Variants in TSC2 observed in about 807,000 individuals in gnomAD.
TSC2 encodes TSC complex subunit 2, also known as tuberin.
In TSC2, 29 loss-of-function variants were observed where a neutral mutation model predicts 202.2. The observed-to-expected ratio is 0.14, with a 90% CI of 0.11 to 0.20. TSC2 has a LOEUF of 0.20. Ranked by LOEUF, TSC2 falls within the 10% of genes least tolerant of loss-of-function variation. TSC2 has a pLI of 1.00. For synonymous variants in TSC2, 1,349 were observed against 1,044.0 expected, an observed-to-expected ratio of 1.29 and a Z score of -5.63; for missense variants, 2,429 against 2,420.0, an observed-to-expected ratio of 1.00 and a Z score of -0.08.
Position 2,085,139 on chromosome 16 carries a change from C to G in TSC2, c.4570-91C>G, listed in dbSNP as rs1419986610. ...GGCTTGCAGAGGGCTCTGGCCTAAGCTCCCTGTGGCAGCCTGCCGTGACCG... is the reference window on the plus strand; with the variant it reads ...GGCTTGCAGAGGGCTCTGGCCTAAGGTCCCTGTGGCAGCCTGCCGTGACCG... On this transcript the variant is annotated intron_variant, in intron 35 of 41. Coordinates refer to ENST00000219476, the MANE Select transcript of TSC2 (RefSeq NM_000548.5). 3 of 1,602,822 alleles carry G rather than the reference C, an allele frequency of 1.9e-6. No homozygotes were observed. The African/African-American group carries it at 4.0e-5, about 21-fold the overall frequency.
In TSC2 at chr16:2,055,407, T is replaced by A; in HGVS notation, c.487T>A (p.Phe163Ile). The change falls in exon 6 of 42, where the codon TTT becomes ATT. Residue 163 changes from phenylalanine (F) to isoleucine (I), a missense_variant. Phe to Ile is a conservative substitution (Grantham distance 21, BLOSUM62 0). Transcript: ENST00000219476. ...TGCCGCCGCTTCTCCCCCAGCTGAC[T>A]TTGTCCTGCAGTGGATGGATGTTGG... ...ITYLEEELAD[F>I]VLQWMDVGLS... is the part of the protein sequence containing the mutation. The A allele has an allele frequency of 6.2e-7, 1 of 1,614,132 alleles. No individual in the cohort carries two copies. The highest frequency in any genetic ancestry group is 8.5e-7 in the Non-Finnish European group (1 of 1,179,986).
chr16:2,051,513 A>G (rs2085123222), intron 3 of TSC2, among the ~76,000 whole-genome samples: 1 of 152,128 alleles, frequency 6.6e-6, no homozygotes, highest in South Asian at 2.1e-4. Flanking sequence ...ACGGACATAG[A>G]AATATTTATT....
At chr16:2,055,992 G>C (rs572511471) in intron 6 of TSC2, 7 of 668,496 alleles carry the variant, frequency 1.0e-5, no homozygotes, top group Non-Finnish European at 1.4e-5. Context: ...TGTTGCATGA[G>C]CTCTGTCTCA....
chr16:2,061,734 C>T (rs1031268235), intron 11 of TSC2, 137 bp from the exon 12 acceptor site: 71 of 1,439,942 alleles, frequency 4.9e-5, no homozygotes, highest in Middle Eastern at 2.2e-4. Flanking sequence ...GGGCTGGGGG[C>T]GTCTGTCCCC....
At chr16:2,077,283 C>G in intron 25 of TSC2, 3 of 401,078 alleles carry the variant, frequency 7.5e-6, no homozygotes, top group Non-Finnish European at 1.4e-5. Context: ...GCCTGGCCAG[C>G]ACAGCCTGGA....
At position 2,083,750 on chromosome 16, in the gene TSC2, G is replaced by A. The variant is rs149340262; in HGVS notation, c.3939G>A (p.Glu1313=). 2 of 1,608,054 alleles carry A rather than the reference G, an allele frequency of 1.2e-6. No individual in the cohort carries two copies. Among genetic ancestry groups the A allele is most frequent in the African/African-American group, 1.3e-5 (1 of 75,038 alleles). ...GSPGEVPVLV[E]PPGLEDVEAA... is the part of the protein sequence containing the mutation. ...CGGGCGAGGTTCCTGTGCTGGTGGA[G>A]CCCCCAGGGTTGGAGGACGTTGAGG... The change falls in exon 33 of 42, where the codon GAG becomes GAA. Residue 1313 remains glutamate (E), a synonymous_variant. Transcript: ENST00000219476.
intron 14 of TSC2, 122 bp from the exon 15 acceptor site, chr16:2,064,150 C>T: frequency 6.7e-7 from 1 of 1,503,736 alleles, no homozygotes; most frequent in Non-Finnish European, 9.2e-7. Flanking sequence ...CTCTGCCCAG[C>T]TGTGCTGAAG....
At position 2,086,567 on chromosome 16, in the gene TSC2, A is replaced by C. The variant is rs2090821676; in HGVS notation, c.4850-165A>C. On this transcript the variant is annotated intron_variant, in intron 37 of 41. Coordinates refer to ENST00000219476, the MANE Select transcript of TSC2 (RefSeq NM_000548.5). ...GATGGGGCTGGTGGCTTTGCGTCCC[A>C]AAGCCCTGCCCCTGGGGAGAGCCGA... Among the ~76,000 whole-genome samples the C allele has an allele frequency of 2.0e-5, 3 of 152,246 alleles. No individual in the cohort carries two copies. In the South Asian group the frequency reaches 6.2e-4, roughly 32 times the overall value.
chr16:2,062,804 T>C (rs1434075378), intron 13 of TSC2, 168 bp from the exon 14 acceptor site: 2 of 931,448 alleles, frequency 2.1e-6, no homozygotes, highest in East Asian at 5.3e-5. Context: ...GGGCTCCCTC[T>C]TTTCGGGGGT....
intron 15 of TSC2, 66 bp from the exon 16 acceptor site, chr16:2,065,453 A>G (rs2151204223): frequency 8.8e-7 from 1 of 1,140,612 alleles, no homozygotes; most frequent in Non-Finnish European, 1.3e-6. Flanking sequence ...TGTGGTAGAA[A>G]GTGTTCTCAC....
intron 5 of TSC2, chr16:2,055,111 C>G: frequency 1.0e-5 from 5 of 491,890 alleles, no homozygotes; most frequent in South Asian, 1.0e-4. Flanking sequence ...GTCTCCCAGC[C>G]TCGGGTTGGG....
intron 22 of TSC2, among the ~76,000 whole-genome samples, chr16:2,075,525 C>CAAAAAAAAA (rs933350142): frequency 1.2e-3 from 33 of 27,298 alleles, no homozygotes; most frequent in African/African-American, 3.2e-3. Flanking sequence ...AGACTCATCT[C>CAAAAAAAAA]AAAAAAAAAA....
At chr16:2,061,256 G>T in intron 11 of TSC2, 1 of 304,984 alleles carries the variant, frequency 3.3e-6, no homozygotes, top group Non-Finnish European at 6.4e-6. Flanking sequence ...GGGGAGGCGA[G>T]GCTAGTATCC....
At chr16:2,054,693 ACCT>A in intron 5 of TSC2, 1 of 561,530 alleles carries the variant, frequency 1.8e-6, no homozygotes, top group East Asian at 3.1e-5. Flanking sequence ...GCCTCCGAAC[ACCT>A]CTGCAACGGC....
At chr16:2,080,784 A>G (rs1403188140) in intron 30 of TSC2, 2 of 224,872 alleles carry the variant, frequency 8.9e-6, no homozygotes, top group African/African-American at 2.3e-5. Context: ...GCGCCCAGCC[A>G]TTTGGGGGTA....
At chr16:2,062,646 T>C (rs2151166185) in intron 13 of TSC2, 46 bp downstream of exon 13, 2 of 1,544,828 alleles carry the variant, frequency 1.3e-6, no homozygotes, top group African/African-American at 2.7e-5. Flanking sequence ...AGCCTGGCCC[T>C]GTCTCTGTCT....
rs1060504100 is a variant in TSC2 at position 2,048,738 on chromosome 16, C to T, written c.123C>T (p.Thr41=). ...AEGKQTEFII[T]AEILRELSME... is the part of the protein sequence containing the mutation. ...GTAAACAGACGGAGTTTATCATCAC[C>T]GCGGAAATACTGAGAGTGAGTGAGC... Residue 41 remains threonine, a synonymous_variant, in exon 2 of 42, where the codon ACC becomes ACT. Transcript: ENST00000219476. 2 of 1,613,884 alleles carry T rather than the reference C, an allele frequency of 1.2e-6. No individual in the cohort carries two copies. Among genetic ancestry groups the T allele is most frequent in the Non-Finnish European group, 1.7e-6 (2 of 1,180,030 alleles).
chr16:2,071,574 A>T lies in TSC2; in HGVS notation c.1904A>T (p.Asp635Val), dbSNP rs2088399323. 1.2e-6 allele frequency: 2 copies of T among 1,613,498 alleles called. No homozygotes were observed. The highest frequency in any genetic ancestry group is 1.7e-6 in the Non-Finnish European group (2 of 1,180,008). ...CACCGCCTGGGCCTGCCCAACAAGG[A>T]TGGAGTCGTGCGGTTCAGCCCCTAC... Reference protein sequence around the residue: ...SLHRLGLPNKDGVVRFSPYCV... With the variant: ...SLHRLGLPNKVGVVRFSPYCV... Residue 635 changes from aspartate to valine, a missense_variant, in exon 18 of 42, where the codon GAT becomes GTT. By Grantham distance (152) the Asp-to-Val change is radical. Coordinates refer to ENST00000219476, the MANE Select transcript of TSC2 (RefSeq NM_000548.5).
At chr16:2,072,042 C>A (rs1026451621) in intron 19 of TSC2, 108 bp downstream of exon 19, 7 of 1,480,820 alleles carry the variant, frequency 4.7e-6, no homozygotes, top group Non-Finnish European at 6.3e-6. Context: ...GGAGGGCAGC[C>A]CTCCCTCAGA....
Sources: gnomAD v4.1 joint callset for allele counts (sites outside exome capture counted in the v4.1 genomes callset) on GRCh38, gnomAD v4.1.1 for gene constraint, MANE v1.5 for transcripts, NCBI Gene and HGNC (gene_info 2026-07-23, HGNC 2026-07-21) for gene names.